The following LAMA3 variants were observed in gnomAD, a reference collection of about 807,000 sequenced individuals.
The protein encoded by LAMA3 is laminin subunit alpha-3.
LAMA3 carries 281 observed loss-of-function variants against 402.0 expected under a neutral mutation model. The ratio of observed to expected loss-of-function variants is 0.70; its 90% CI spans 0.63 to 0.77. LAMA3 has a LOEUF of 0.77. LAMA3 is among the 30% of genes least tolerant of loss of function. The probability of loss-of-function intolerance (pLI) is 0.00; values close to 1 mark genes in which losing one functional copy is unlikely to be tolerated. For synonymous variants in LAMA3, 1,431 were observed against 1,558.4 expected, an observed-to-expected ratio of 0.92 and a Z score of 1.93; for missense variants, 3,840 against 4,215.5, an observed-to-expected ratio of 0.91 and a Z score of 2.47.
intron 42 of LAMA3, among the ~76,000 whole-genome samples, chr18:23,892,517 G>A (rs780590387): frequency 1.1e-4 from 16 of 152,114 alleles, no homozygotes; most frequent in Non-Finnish European, 1.2e-4. Flanking sequence ...TCAGGCTGCT[G>A]TTGAAAATTG....
rs761784211 is a variant in LAMA3 at position 23,914,788 on chromosome 18, T to C, written c.7572T>C (p.Asn2524=). Residue 2524 remains asparagine (N), a synonymous_variant, in exon 58 of 75, where the codon AAT becomes AAC. Transcript: ENST00000313654. ...GAGTCTATGACATGGATGGTAGAAA[T>C]AGCAATACACTCCTTAATTTGGATC... ...TPGVYDMDGR[N]SNTLLNLDPE... is the part of the protein sequence containing the mutation. 4.3e-6 allele frequency: 7 copies of C among 1,613,198 alleles called. No homozygotes were observed. The Admixed American group carries it at 1.0e-4, about 23-fold the overall frequency.
intron 5 of LAMA3, among the ~76,000 whole-genome samples, chr18:23,752,785 A>G (rs2061776015): frequency 6.6e-6 from 1 of 152,232 alleles, no homozygotes; most frequent in South Asian, 2.1e-4. Context: ...CATTAAATCA[A>G]TAGAGCTCTT....
chr18:23,857,551 C>T (rs776502042), intron 32 of LAMA3, among the ~76,000 whole-genome samples: 10 of 152,222 alleles, frequency 6.6e-5, no homozygotes, highest in Non-Finnish European at 1.5e-4. Flanking sequence ...GGGCCATCTG[C>T]GGGAGCCCTC....
At chr18:23,698,852 A>G (rs1234001596) in intron 1 of LAMA3, among the ~76,000 whole-genome samples, 1 of 152,178 alleles carries the variant, frequency 6.6e-6, no homozygotes. Context: ...CACTGAGCTA[A>G]CCTCCCATGG....
At position 23,951,354 on chromosome 18, in the gene LAMA3, G is replaced by C. The variant is rs542684270; in HGVS notation, c.9643-330G>C. The stretch of plus-strand genomic sequence containing the variant: ...TCCTTCCATACAGAGCCACTGTCAC[G>C]CATTAATTGCTAAGGAGGATTCCAA... On this transcript the variant is annotated intron_variant, in intron 72 of 74. Coordinates refer to ENST00000313654, the MANE Select transcript of LAMA3 (RefSeq NM_198129.4). Among the ~76,000 whole-genome samples, 3 of 151,800 alleles carry C rather than the reference G, an allele frequency of 2.0e-5. No homozygotes were observed. In the East Asian group the frequency reaches 5.8e-4, roughly 29 times the overall value.
In LAMA3 at chr18:23,815,260, C is replaced by T. The variant is rs773468299; in HGVS notation, c.1941+20C>T. On this transcript the variant is annotated intron_variant, in intron 16 of 74. Transcript: ENST00000313654. ...AGGCAGGTAAAGTGGGCTGAGTTTT[C>T]ATGTGACAACAGCAGAATGCTACAG... 3.1e-6 allele frequency: 5 copies of T among 1,610,710 alleles called. No homozygotes were observed. The African/African-American group carries it at 6.7e-5, about 22-fold the overall frequency.
chr18:23,914,425 A>G lies in LAMA3; in HGVS notation c.7345A>G (p.Ile2449Val). 6.2e-7 allele frequency: 1 copy of G among 1,614,180 alleles called. No individual in the cohort carries two copies. Among genetic ancestry groups the G allele is most frequent in the Non-Finnish European group, 8.5e-7 (1 of 1,180,030 alleles). Residue 2449 changes from isoleucine to valine, a missense_variant, in exon 57 of 75, where the codon ATC becomes GTC. This residue lies in a region of LAMA3 where 891 missense variants were observed against 857.5 expected (regional missense o/e 1.04). Coordinates refer to ENST00000313654, the MANE Select transcript of LAMA3 (RefSeq NM_198129.4). ...LGNKDASRDY[I>V]GMAVVDGQLT... The stretch of plus-strand genomic sequence containing the variant: ...TTGTCTCCAGGCCTCCCGGGACTAC[A>G]TCGGCATGGCAGTTGTGGATGGCCA...
chr18:23,800,592 C>T (rs551416010), intron 12 of LAMA3, among the ~76,000 whole-genome samples: 1 of 152,114 alleles, frequency 6.6e-6, no homozygotes, highest in African/African-American at 2.4e-5. Context: ...TTATTGTTAA[C>T]CACATTCACC....
intron 32 of LAMA3, among the ~76,000 whole-genome samples, chr18:23,854,173 G>A (rs140067526): frequency 0.01 from 1,587 of 152,198 alleles, 14 homozygotes; most frequent in South Asian, 0.068. Flanking sequence ...CTATATTACT[G>A]ACTGGCCACA....
At chr18:23,742,300 A>C (rs1459394129) in intron 2 of LAMA3, among the ~76,000 whole-genome samples, 1 of 152,172 alleles carries the variant, frequency 6.6e-6, no homozygotes, top group Admixed American at 6.5e-5. Flanking sequence ...AGGACAAAAC[A>C]TGTTGGGGGA....
At chr18:23,851,399 G>A (rs892608756) in intron 32 of LAMA3, among the ~76,000 whole-genome samples, 5 of 152,216 alleles carry the variant, frequency 3.3e-5, no homozygotes, top group Admixed American at 6.5e-5. Context: ...GATGTGTGGT[G>A]TGAGTTGCGT....
rs111469693 is a variant in LAMA3, at chr18:23,811,871, G to T, written c.1742-1186G>T. ...GTCTCTAGAATTTTTATTTATTTTT[G>T]ATTTTATTTTATTTTTTTTTGAGAC... On this transcript the variant is annotated intron_variant, in intron 13 of 74. Transcript: ENST00000313654. Among the ~76,000 whole-genome samples the T allele has an allele frequency of 1.4e-3, 214 of 151,514 alleles. 1 individual carries two copies. The highest frequency in any genetic ancestry group is 4.7e-3 in the African/African-American group (194 of 41,116).
At chr18:23,816,605 A>C (rs1363334236) in intron 18 of LAMA3, 118 bp downstream of exon 18, 2 of 796,282 alleles carry the variant, frequency 2.5e-6, no homozygotes. Context: ...AGGTCAGGGG[A>C]AGCTGTCCTA....
Position 23,757,225 on chromosome 18 carries a change from C to T in LAMA3, c.948-1171C>T, listed in dbSNP as rs955838804. On this transcript the variant is annotated intron_variant, in intron 6 of 74. Transcript: ENST00000313654. ...CCGAACTTTCGGCAGGCTGGTTCCA[C>T]CTTACCTCAGGCCCTGGGCCTCGCC... Among the ~76,000 whole-genome samples, 43 of 152,092 alleles carry T rather than the reference C, an allele frequency of 2.8e-4. 1 individual carries two copies. Among genetic ancestry groups the T allele is most frequent in the Non-Finnish European group, 1.5e-5 (1 of 68,008 alleles).
Position 23,896,770 on chromosome 18 carries a change from T to G in LAMA3, c.5613+1712T>G, listed in dbSNP as rs536311405. ...GGATCTATGCTGGAATGTTACATAC[T>G]CTCAACGCCACTATGGTATATAAAT... On this transcript the variant is annotated intron_variant, in intron 44 of 74. Coordinates refer to ENST00000313654, the MANE Select transcript of LAMA3 (RefSeq NM_198129.4). Among the ~76,000 whole-genome samples, 70 of 152,202 alleles carry G rather than the reference T, an allele frequency of 4.6e-4. No individual in the cohort carries two copies. In the South Asian group the frequency reaches 7.5e-3, roughly 16 times the overall value.
chr18:23,912,896 G>C lies in LAMA3; in HGVS notation c.7329+15G>C. 1 of 1,608,116 alleles carries C rather than the reference G, an allele frequency of 6.2e-7. No individual in the cohort carries two copies. ...GAAATAAAGATGTAAGTATTGCTTG[G>C]ACATCTCTCTTGTTTTTGAAACAAT... On this transcript the variant is annotated intron_variant, in intron 56 of 74. Transcript: ENST00000313654.
In LAMA3 at chr18:23,692,641, A is replaced by G. The variant is rs192363570; in HGVS notation, c.294+2664A>G. 2.5e-3 allele frequency among the ~76,000 whole-genome samples: 386 copies of G among 152,284 alleles called. 2 individuals are homozygous for G. Among genetic ancestry groups the G allele is most frequent in the African/African-American group, 9.0e-3 (375 of 41,568 alleles). On this transcript the variant is annotated intron_variant, in intron 1 of 74. Coordinates refer to ENST00000313654, the MANE Select transcript of LAMA3 (RefSeq NM_198129.4). ...TTTTGTTGGAAAATATTAATGTTAG[A>G]AAATTTTGTTTCCATGAGAAAAGAC...
At chr18:23,729,858 G>C (rs900465612) in intron 2 of LAMA3, among the ~76,000 whole-genome samples, 3 of 152,220 alleles carry the variant, frequency 2.0e-5, no homozygotes, top group Non-Finnish European at 4.4e-5. Flanking sequence ...AGCCTTAGGC[G>C]CTGTGTGATG....
chr18:23,907,160 A>G (rs2145177083), intron 52 of LAMA3, among the ~76,000 whole-genome samples: 1 of 152,346 alleles, frequency 6.6e-6, no homozygotes, highest in African/African-American at 2.4e-5. Flanking sequence ...CTCAACAAAC[A>G]TATACTAATA....
Sources: gnomAD v4.1 joint callset for allele counts (sites outside exome capture counted in the v4.1 genomes callset) on GRCh38, gnomAD v4.1.1 for gene constraint, gnomAD v4.1.1 regional missense constraint, MANE v1.5 for transcripts, NCBI Gene and HGNC (gene_info 2026-07-23, HGNC 2026-07-21) for gene names.